SLC24A2: variants seen among roughly 807,000 people sequenced by gnomAD.
SLC24A2 encodes the protein sodium/potassium/calcium exchanger 2.
Under a neutral mutation model 62.0 loss-of-function variants are expected in SLC24A2, and 36 were observed. The ratio of observed to expected loss-of-function variants is 0.58; its 90% CI spans 0.44 to 0.77. The LOEUF (loss-of-function observed/expected upper bound fraction) is 0.77, where lower values mean the gene tolerates loss of function less well. Among genes scored for constraint, SLC24A2 ranks in the 30% least tolerant of loss-of-function variants. The pLI, the probability that SLC24A2 is intolerant of heterozygous loss-of-function variation, is 0.00. For missense variants in SLC24A2, 846 were observed against 817.9 expected (o/e 1.03, Z -0.42); for synonymous variants, 358 against 294.0 (o/e 1.22, Z -2.23).
chr9:19,542,642 T>C (rs1306091455), intron 8 of SLC24A2, among the ~76,000 whole-genome samples: 1 of 152,220 alleles, frequency 6.6e-6, no homozygotes, highest in Non-Finnish European at 1.5e-5. Context: ...TTTTTTAGGA[T>C]GAAGGGTGTT....
intron 2 of SLC24A2, among the ~76,000 whole-genome samples, chr9:19,637,677 C>G (rs1818394392): frequency 6.6e-6 from 1 of 152,186 alleles, no homozygotes; most frequent in African/African-American, 2.4e-5. Flanking sequence ...TTAGAATGAT[C>G]AGTATCTCCT....
the SLC24A2 span, among the ~76,000 whole-genome samples, chr9:20,082,672 T>C: frequency 6.6e-6 from 1 of 152,258 alleles, no homozygotes; most frequent in Non-Finnish European, 1.5e-5. Context: ...CATTTTGCTG[T>C]AATCTGGAAA....
intron 8 of SLC24A2, among the ~76,000 whole-genome samples, chr9:19,547,720 G>A (rs1161646950): frequency 6.6e-6 from 1 of 151,378 alleles, no homozygotes; most frequent in Non-Finnish European, 1.5e-5. Context: ...ATCTTCTGGG[G>A]GCCACACCAC....
chr9:20,079,361 C>A, the SLC24A2 span, among the ~76,000 whole-genome samples: 1 of 152,224 alleles, frequency 6.6e-6, no homozygotes, highest in African/African-American at 2.4e-5. Flanking sequence ...AACTACCTCT[C>A]TGAATGTAAA....
the SLC24A2 span, among the ~76,000 whole-genome samples, chr9:20,283,384 T>G: frequency 5.9e-5 from 9 of 152,198 alleles, no homozygotes; most frequent in Non-Finnish European, 1.5e-5. Flanking sequence ...AAATCTGATT[T>G]TGTTAGCTCT....
the SLC24A2 span, among the ~76,000 whole-genome samples, chr9:19,820,242 G>A: frequency 1.3e-5 from 2 of 149,796 alleles, no homozygotes; most frequent in Non-Finnish European, 3.0e-5. Flanking sequence ...CTGTGAGGAC[G>A]CAAAGGCATA....
In SLC24A2 at chr9:19,672,326, A is replaced by G. The variant is rs550435065; in HGVS notation, c.931-50027T>C. Reference sequence around the variant, plus strand: ...CTCCTCTAGGTTTTCTAGTTTATGCATGTAGAGGTATTCCTAGTAGCCTTG... The same window carrying G: ...CTCCTCTAGGTTTTCTAGTTTATGCGTGTAGAGGTATTCCTAGTAGCCTTG... On this transcript the variant is annotated intron_variant, in intron 2 of 10. Coordinates refer to ENST00000341998, the MANE Select transcript of SLC24A2 (RefSeq NM_020344.4). Among the ~76,000 whole-genome samples, 10 of 146,442 alleles carry G rather than the reference A, an allele frequency of 6.8e-5. 2 individuals carry two copies. The South Asian group carries it at 1.1e-3, about 16-fold the overall frequency.
chr9:19,662,985 C>T (rs1256761743), intron 2 of SLC24A2, among the ~76,000 whole-genome samples: 1 of 152,170 alleles, frequency 6.6e-6, no homozygotes, highest in East Asian at 1.9e-4. Context: ...ATAGCATATG[C>T]TAAACAAAAC....
At chr9:20,273,644 T>C in the SLC24A2 span, among the ~76,000 whole-genome samples, 1 of 152,158 alleles carries the variant, frequency 6.6e-6, no homozygotes, top group African/African-American at 2.4e-5. Flanking sequence ...TCCACCATGA[T>C]TGTGAGGCCT....
the SLC24A2 span, among the ~76,000 whole-genome samples, chr9:20,278,933 T>A: frequency 3.3e-5 from 5 of 152,286 alleles, no homozygotes; most frequent in Middle Eastern, 3.4e-3. Flanking sequence ...TGACTCACAG[T>A]TCCACAAGGA....
chr9:19,767,507 A>G (rs550404528), intron 2 of SLC24A2, among the ~76,000 whole-genome samples: 196 of 152,258 alleles, frequency 1.3e-3, no homozygotes, highest in African/African-American at 4.4e-3. Context: ...GCCAGATAGC[A>G]CTGTTCCTCA....
the SLC24A2 span, among the ~76,000 whole-genome samples, chr9:20,108,782 G>T: frequency 3.3e-5 from 5 of 151,906 alleles, no homozygotes; most frequent in South Asian, 4.2e-4. Context: ...ACACCAGCAT[G>T]GCACAAGTAT....
chr9:19,779,156 T>C (rs943971672), intron 2 of SLC24A2, among the ~76,000 whole-genome samples: 6 of 152,112 alleles, frequency 3.9e-5, no homozygotes, highest in African/African-American at 1.2e-4. Flanking sequence ...GAAGGTAAGA[T>C]AGTACAAGAT....
chr9:19,623,273 A>G (rs911060744), intron 2 of SLC24A2, among the ~76,000 whole-genome samples: 1 of 152,178 alleles, frequency 6.6e-6, no homozygotes, highest in African/African-American at 2.4e-5. Flanking sequence ...AGACAGCAAG[A>G]ACAAACTGGA....
At chr9:19,559,760 A>G (rs139852645) in intron 7 of SLC24A2, among the ~76,000 whole-genome samples, 488 of 152,286 alleles carry the variant, frequency 3.2e-3, no homozygotes, top group Non-Finnish European at 4.9e-3. Flanking sequence ...CCCACCCAAA[A>G]CAGTGGCTGG....
chr9:19,911,688 C>T, the SLC24A2 span, among the ~76,000 whole-genome samples: 1 of 152,160 alleles, frequency 6.6e-6, no homozygotes, highest in Non-Finnish European at 1.5e-5. Flanking sequence ...GAATATCCAG[C>T]TTCTCTTCCT....
At chr9:20,114,464 A>G in the SLC24A2 span, among the ~76,000 whole-genome samples, 1 of 152,148 alleles carries the variant, frequency 6.6e-6, no homozygotes, top group Non-Finnish European at 1.5e-5. Flanking sequence ...ACTGTTTCCA[A>G]GGAACTTCAT....
chr9:19,791,479 G>C (rs1240656609), upstream of SLC24A2, among the ~76,000 whole-genome samples: 1 of 152,214 alleles, frequency 6.6e-6, no homozygotes, highest in African/African-American at 2.4e-5. Flanking sequence ...TGTTGTGGGA[G>C]TGACTACTCC....
At chr9:19,607,740 A>T (rs905186261) in intron 4 of SLC24A2, among the ~76,000 whole-genome samples, 9 of 151,466 alleles carry the variant, frequency 5.9e-5, no homozygotes, top group Non-Finnish European at 1.0e-4. Context: ...AAAAAAAAAA[A>T]ATCAACTTTT....
Sources: gnomAD v4.1 joint callset for allele counts (sites outside exome capture counted in the v4.1 genomes callset) on GRCh38, gnomAD v4.1.1 for gene constraint, MANE v1.5 for transcripts, NCBI Gene and HGNC (gene_info 2026-07-23, HGNC 2026-07-21) for gene names.